ACO1: variants seen among roughly 807,000 people sequenced by gnomAD.
ACO1 encodes the protein cytoplasmic aconitate hydratase.
Under a neutral mutation model 105.1 loss-of-function variants are expected in ACO1, and 78 were observed. The observed-to-expected ratio is 0.74, with a 90% CI of 0.62 to 0.90. The LOEUF (loss-of-function observed/expected upper bound fraction) is 0.90. Among genes scored for constraint, ACO1 ranks in the 40% least tolerant of loss-of-function variants. The probability of loss-of-function intolerance (pLI) is 0.00; values close to 1 mark genes in which losing one functional copy is unlikely to be tolerated. For missense variants in ACO1, 965 were observed against 1,111.1 expected (o/e 0.87, Z 1.87); for synonymous variants, 364 against 397.4 (o/e 0.92, Z 1.00).
At chr9:32,387,261 G>A (rs1038891078) in intron 1 of ACO1, among the ~76,000 whole-genome samples, 1 of 152,174 alleles carries the variant, frequency 6.6e-6, no homozygotes, top group Non-Finnish European at 1.5e-5. Context: ...ACTTTAAAAT[G>A]AGGAGTTAGG....
At chr9:32,418,919 C>G in intron 6 of ACO1, 119 bp from the exon 7 acceptor site, 1 of 1,235,208 alleles carries the variant, frequency 8.1e-7, no homozygotes, top group Admixed American at 3.0e-5. Context: ...AGAAACATGA[C>G]TCTGCACCAA....
intron 17 of ACO1, among the ~76,000 whole-genome samples, chr9:32,435,684 G>A (rs1042261971): frequency 6.6e-6 from 1 of 152,160 alleles, no homozygotes; most frequent in African/African-American, 2.4e-5. Flanking sequence ...AGAAATAGCT[G>A]TTCTGCCTCT....
intron 19 of ACO1, among the ~76,000 whole-genome samples, chr9:32,447,127 G>C (rs1650811928): frequency 6.6e-6 from 1 of 152,102 alleles, no homozygotes; most frequent in African/African-American, 2.4e-5. Flanking sequence ...TGCTAGGTTG[G>C]GGAAGTTCTC....
intron 11 of ACO1, among the ~76,000 whole-genome samples, 177 bp from the exon 12 acceptor site, chr9:32,427,124 G>C (rs1166612064): frequency 6.6e-6 from 1 of 152,194 alleles, no homozygotes; most frequent in Non-Finnish European, 1.5e-5. Flanking sequence ...CCGTTGGCCA[G>C]GGAGCCTTTA....
At position 32,407,293 on chromosome 9, in the gene ACO1, G is replaced by C; in HGVS notation, c.130G>C (p.Glu44Gln). The C allele has an allele frequency of 6.2e-7, 1 of 1,614,056 alleles. No homozygotes were observed. The highest frequency in any genetic ancestry group is 8.5e-7 in the Non-Finnish European group (1 of 1,180,012). Residue 44 changes from glutamate (E) to glutamine (Q), a missense_variant, in exon 3 of 21, where the codon GAA (glutamate) becomes CAA (glutamine). Coordinates refer to ENST00000309951, the MANE Select transcript of ACO1 (RefSeq NM_002197.3). ...ACCATTTTCGATCAGAGTTCTTCTG[G>C]AAGCAGCCATTCGGAATTGTGATGA... ...RLPFSIRVLL[E>Q]AAIRNCDEFL...
intron 1 of ACO1, among the ~76,000 whole-genome samples, chr9:32,392,767 G>A (rs968389479): frequency 4.6e-5 from 7 of 152,170 alleles, no homozygotes; most frequent in Non-Finnish European, 7.3e-5. Context: ...CGGAGGGACC[G>A]GCTGAAGCCA....
chr9:32,445,700 G>T, intron 19 of ACO1: 1 of 217,262 alleles, frequency 4.6e-6, no homozygotes, highest in Non-Finnish European at 9.6e-6. Flanking sequence ...TTTTAACTGT[G>T]ATGTTAGGAT....
Position 32,407,266 on chromosome 9 carries a change from T to C in ACO1, c.103T>C (p.Leu35=), listed in dbSNP as rs1821632246. Residue 35 remains leucine, a synonymous_variant, in exon 3 of 21, where the codon TTA becomes CTA. Transcript: ENST00000309951. ...NKLEDSRYGR[L]PFSIRVLLEA... ...TTGTCATCCTTAACTCTTAGGGCGC[T>C]TACCATTTTCGATCAGAGTTCTTCT... 1.2e-6 allele frequency: 2 copies of C among 1,614,122 alleles called. No homozygotes were observed. The highest frequency in any genetic ancestry group is 1.7e-6 in the Non-Finnish European group (2 of 1,179,974).
intron 2 of ACO1, among the ~76,000 whole-genome samples, chr9:32,405,823 G>A (rs1254263427): frequency 1.3e-5 from 2 of 152,162 alleles, no homozygotes; most frequent in African/African-American, 4.8e-5. Context: ...ACTTTATAGA[G>A]TATACATTTG....
intron 15 of ACO1, 152 bp from the exon 16 acceptor site, chr9:32,433,576 A>T (rs2118524188): frequency 1.7e-6 from 1 of 590,838 alleles, no homozygotes. Flanking sequence ...AGCATGACCC[A>T]CTATTAGTAT....
At chr9:32,429,158 G>A (rs1822168964) in intron 12 of ACO1, among the ~76,000 whole-genome samples, 1 of 152,036 alleles carries the variant, frequency 6.6e-6, no homozygotes. Flanking sequence ...ATGAAGATAT[G>A]GCATATATGA....
rs772171891 is a variant in ACO1, at chr9:32,418,474, C to T, written c.621C>T (p.His207=). ...YPDSLVGTDS[H]TTMIDGLGIL... The stretch of plus-strand genomic sequence containing the variant: ...ACAGCCTCGTGGGCACAGACTCGCA[C>T]ACTACCATGATTGATGGCTTGGGCA... The change falls in exon 6 of 21, where the codon CAC becomes CAT. Residue 207 remains histidine (H), a synonymous_variant. Coordinates refer to ENST00000309951, the MANE Select transcript of ACO1 (RefSeq NM_002197.3). The T allele has an allele frequency of 4.5e-5, 72 of 1,614,028 alleles. No homozygotes were observed. Among genetic ancestry groups the T allele is most frequent in the Non-Finnish European group, 5.8e-5 (69 of 1,179,998 alleles).
chr9:32,444,149 C>T (rs903465579), intron 19 of ACO1, among the ~76,000 whole-genome samples: 3 of 152,184 alleles, frequency 2.0e-5, no homozygotes, highest in South Asian at 2.1e-4. Flanking sequence ...AGGACATGAA[C>T]TCATCCTTTT....
intron 15 of ACO1, among the ~76,000 whole-genome samples, chr9:32,432,906 C>T (rs920114937): frequency 6.6e-6 from 1 of 152,084 alleles, no homozygotes; most frequent in Non-Finnish European, 1.5e-5. Flanking sequence ...GGAGGAGGGT[C>T]CACTTAGGCT....
rs920770866 is a variant in ACO1 at position 32,444,525 on chromosome 9, T to C, written c.2370+3938T>C. ...TTTTAATGATCGCCATTCTAACTGG[T>C]GTGAGATGGTATCTCATTGTGGTTT... On this transcript the variant is annotated intron_variant, in intron 19 of 20. Coordinates refer to ENST00000309951, the MANE Select transcript of ACO1 (RefSeq NM_002197.3). Among the ~76,000 whole-genome samples the C allele has an allele frequency of 6.6e-5, 10 of 152,332 alleles. 1 individual carries two copies. Among genetic ancestry groups the C allele is most frequent in the Admixed American group, 5.9e-4 (9 of 15,306 alleles).
rs981893736 is a variant in ACO1 at position 32,440,583 on chromosome 9, T to G, written c.2366T>G (p.Leu789Arg). 1 of 1,613,570 alleles carries G rather than the reference T, an allele frequency of 6.2e-7. No homozygotes were observed. The highest frequency in any genetic ancestry group is 8.5e-7 in the Non-Finnish European group (1 of 1,179,778). The change falls in exon 19 of 21, where the codon CTG becomes CGG. Residue 789 changes from leucine to arginine, a missense_variant. Transcript: ENST00000309951. ...GACTGGGCAGCTAAGGGCCCTTTCC[T>G]GCTGGTGAGTATGAAGTAGACATCC... is the stretch of plus-strand genomic sequence containing the variant. ...SRDWAAKGPF[L>R]LGIKAVLAES...
rs563808025 is a variant in ACO1 at position 32,435,223 on chromosome 9, C to T, written c.2099+522C>T. Among the ~76,000 whole-genome samples the T allele has an allele frequency of 9.2e-5, 14 of 152,290 alleles. No individual in the cohort carries two copies. The South Asian group carries it at 1.0e-3, about 11-fold the overall frequency. On this transcript the variant is annotated intron_variant, in intron 17 of 20. Transcript: ENST00000309951. ...AGTGGTTCCCCAATCTGAGTTTCCA[C>T]GAGAATCACGTGAGGACATAAAAAT...
In ACO1 at chr9:32,449,002, C is replaced by T. The variant is rs199640569; in HGVS notation, c.2477C>T (p.Ala826Val). Residue 826 changes from alanine to valine, a missense_variant, in exon 20 of 21, where the codon GCC (alanine) becomes GTC (valine). By Grantham distance (64) the Ala-to-Val change is moderately conservative. Coordinates refer to ENST00000309951, the MANE Select transcript of ACO1 (RefSeq NM_002197.3). ...LEYLPGENAD[A>V]LGLTGQERYT... ...TATCTCCCTGGTGAGAATGCAGATG[C>T]CCTGGGGCTCACAGGGCAAGAACGA... 26 of 1,613,994 alleles carry T rather than the reference C, an allele frequency of 1.6e-5. No individual in the cohort carries two copies. Among genetic ancestry groups the T allele is most frequent in the Middle Eastern group, 1.6e-4 (1 of 6,084 alleles).
rs763512887 is a variant in ACO1, at chr9:32,407,363, A to G, written c.200A>G (p.Asn67Ser). Residue 67 changes from asparagine (N) to serine (S), a missense_variant, in exon 3 of 21, where the codon AAT becomes AGT. Asn to Ser is a conservative substitution (Grantham distance 46). Coordinates refer to ENST00000309951, the MANE Select transcript of ACO1 (RefSeq NM_002197.3). The part of the protein sequence containing the change: ...KQDIENILHW[N>S]VTQHKNIEVP... The stretch of plus-strand genomic sequence containing the variant: ...GATATTGAAAATATTCTACATTGGA[A>G]TGTCACGCAGCACAAGAACATAGAA... 6.2e-6 allele frequency: 10 copies of G among 1,614,028 alleles called. No individual in the cohort carries two copies. In the South Asian group the frequency reaches 7.7e-5, roughly 12 times the overall value.
Sources: allele counts gnomAD v4.1 joint callset (sites outside exome capture counted in the v4.1 genomes callset), GRCh38; gene constraint gnomAD v4.1.1; transcripts MANE v1.5; gene names NCBI Gene and HGNC (gene_info 2026-07-23, HGNC 2026-07-21).